LUZP2: variants seen among roughly 807,000 people sequenced by gnomAD.
The protein encoded by LUZP2 is leucine zipper protein 2.
Under a neutral mutation model 51.6 loss-of-function variants are expected in LUZP2, and 52 were observed. That is an observed-to-expected ratio of 1.01 (90% CI 0.81 to 1.27). The LOEUF (loss-of-function observed/expected upper bound fraction) is 1.27. Among genes scored for constraint, LUZP2 ranks in the 50% most tolerant of loss-of-function variants. The probability of loss-of-function intolerance (pLI) is 0.00; values close to 1 mark genes in which losing one functional copy is unlikely to be tolerated. For synonymous variants in LUZP2, 154 were observed against 137.3 expected (o/e 1.12, Z -0.85); for missense variants, 436 against 395.4 (o/e 1.10, Z -0.87).
intron 1 of LUZP2, among the ~76,000 whole-genome samples, chr11:24,707,813 T>G (rs542387801): frequency 8.5e-5 from 13 of 152,290 alleles, no homozygotes; most frequent in Middle Eastern, 3.4e-3. Flanking sequence ...AATTTTCTTT[T>G]TAATTCTCAG....
intron 5 of LUZP2, among the ~76,000 whole-genome samples, chr11:24,821,264 A>G (rs1850348278): frequency 1.3e-5 from 2 of 152,252 alleles, no homozygotes; most frequent in East Asian, 1.9e-4. Flanking sequence ...ACCCACAAAT[A>G]TACACATTCT....
At chr11:24,907,907 C>A (rs1157153790) in intron 6 of LUZP2, among the ~76,000 whole-genome samples, 1 of 151,810 alleles carries the variant, frequency 6.6e-6, no homozygotes, top group Non-Finnish European at 1.5e-5. Context: ...ATTGTCATGC[C>A]TACTATTGAA....
intron 9 of LUZP2, among the ~76,000 whole-genome samples, chr11:25,021,848 T>C (rs1857343162): frequency 6.6e-6 from 1 of 152,036 alleles, no homozygotes; most frequent in South Asian, 2.1e-4. Context: ...AGATCAGATA[T>C]GAAGCTACTA....
chr11:24,829,768 T>C (rs1415265682), intron 5 of LUZP2, among the ~76,000 whole-genome samples: 2 of 152,218 alleles, frequency 1.3e-5, no homozygotes, highest in Non-Finnish European at 2.9e-5. Flanking sequence ...CTAGAGAGTA[T>C]GTGTGTTACT....
intron 1 of LUZP2, among the ~76,000 whole-genome samples, chr11:24,553,171 T>C (rs1851770099): frequency 6.6e-6 from 1 of 151,676 alleles, no homozygotes; most frequent in Non-Finnish European, 1.5e-5. Context: ...TGTGTATATA[T>C]ACACACACAT....
intron 7 of LUZP2, among the ~76,000 whole-genome samples, chr11:24,973,011 T>TCTTTGTAC (rs1446520208): frequency 6.6e-6 from 1 of 151,798 alleles, no homozygotes; most frequent in Non-Finnish European, 1.5e-5. Flanking sequence ...TACCAGCTCT[T>TCTTTGTAC]CTTTGTACCT....
At chr11:24,686,610 C>T (rs1056393982) in intron 1 of LUZP2, among the ~76,000 whole-genome samples, 1 of 152,100 alleles carries the variant, frequency 6.6e-6, no homozygotes, top group Admixed American at 6.6e-5. Context: ...CTGCAGCCCA[C>T]CTAAATAGCT....
chr11:25,075,511 T>C (rs1859274682), intron 10 of LUZP2, among the ~76,000 whole-genome samples: 1 of 152,178 alleles, frequency 6.6e-6, no homozygotes, highest in Non-Finnish European at 1.5e-5. Context: ...TGCGATCTAG[T>C]GGAGATAAAT....
intron 7 of LUZP2, among the ~76,000 whole-genome samples, chr11:24,968,558 C>A (rs1855654212): frequency 6.6e-6 from 1 of 152,120 alleles, no homozygotes. Context: ...CTTCTCCTCT[C>A]AGCCATGTAG....
chr11:24,678,529 A>AG (rs1184890273), intron 1 of LUZP2, among the ~76,000 whole-genome samples: 1 of 147,040 alleles, frequency 6.8e-6, no homozygotes, highest in Non-Finnish European at 1.5e-5. Context: ...AGAAGGAAAA[A>AG]ATATTAAAAG....
chr11:25,045,186 G>A (rs1188667120), intron 9 of LUZP2, among the ~76,000 whole-genome samples: 2 of 151,768 alleles, frequency 1.3e-5, no homozygotes, highest in East Asian at 3.9e-4. Context: ...GTGCACATGT[G>A]CCCTAAAACT....
At chr11:25,041,084 A>G (rs962813182) in intron 9 of LUZP2, among the ~76,000 whole-genome samples, 22 of 151,864 alleles carry the variant, frequency 1.4e-4, no homozygotes, top group African/African-American at 5.3e-4. Context: ...TTTTCTTAAT[A>G]CCATTGTTTA....
intron 5 of LUZP2, among the ~76,000 whole-genome samples, chr11:24,803,057 A>G (rs549864319): frequency 2.6e-5 from 4 of 152,180 alleles, no homozygotes; most frequent in African/African-American, 7.2e-5. Flanking sequence ...CACATCTCAT[A>G]TAAGACAATA....
intron 1 of LUZP2, among the ~76,000 whole-genome samples, chr11:24,727,377 C>A (rs1858519408): frequency 6.6e-6 from 1 of 151,954 alleles, no homozygotes; most frequent in Non-Finnish European, 1.5e-5. Flanking sequence ...TTATTTACTA[C>A]TCTTGTGACT....
chr11:25,037,653 G>A (rs1227804585), intron 9 of LUZP2, among the ~76,000 whole-genome samples: 1 of 152,010 alleles, frequency 6.6e-6, no homozygotes, highest in Non-Finnish European at 1.5e-5. Flanking sequence ...AGGCCAGTCT[G>A]GTTAAAACAT....
At chr11:24,516,502 T>G (rs1358802886) in intron 1 of LUZP2, among the ~76,000 whole-genome samples, 1 of 152,214 alleles carries the variant, frequency 6.6e-6, no homozygotes, top group Non-Finnish European at 1.5e-5. Context: ...TTACAACATT[T>G]TCTACACAAG....
At chr11:24,602,199 C>T (rs866244126) in intron 1 of LUZP2, among the ~76,000 whole-genome samples, 108 of 73,180 alleles carry the variant, frequency 1.5e-3, no homozygotes, top group African/African-American at 2.8e-3. Flanking sequence ...TATATATGTA[C>T]ATATATGTGT....
intron 5 of LUZP2, among the ~76,000 whole-genome samples, chr11:24,880,489 C>T (rs79734060): frequency 1.1e-4 from 17 of 152,172 alleles, no homozygotes; most frequent in Non-Finnish European, 1.9e-4. Flanking sequence ...GTTAGGGGGA[C>T]GGTTGGTGGA....
chr11:24,681,898 C>G (rs1384458884), intron 1 of LUZP2, among the ~76,000 whole-genome samples: 1 of 151,978 alleles, frequency 6.6e-6, no homozygotes, highest in Non-Finnish European at 1.5e-5. Flanking sequence ...AAAAAATCAC[C>G]CCATGCTAAC....
Sources: allele counts gnomAD v4.1 joint callset (sites outside exome capture counted in the v4.1 genomes callset), GRCh38; gene constraint gnomAD v4.1.1; transcripts MANE v1.5; gene names NCBI Gene and HGNC (gene_info 2026-07-23, HGNC 2026-07-21).